The following UPF2 variants were observed in gnomAD, a reference collection of about 807,000 sequenced individuals.
The protein encoded by UPF2 is UPF2 regulator of nonsense mediated mRNA decay.
Under a neutral mutation model 141.4 loss-of-function variants are expected in UPF2, and 17 were observed. That is an observed-to-expected ratio of 0.12 (90% CI 0.08 to 0.18). UPF2 has a LOEUF of 0.18. Ranked by LOEUF, UPF2 falls within the 10% of genes least tolerant of loss-of-function variation. The probability of loss-of-function intolerance (pLI) is 1.00; values close to 1 mark genes in which losing one functional copy is unlikely to be tolerated. For missense variants in UPF2, 1,152 were observed against 1,515.9 expected, an observed-to-expected ratio of 0.76 and a Z score of 3.99; for synonymous variants, 540 against 498.0, an observed-to-expected ratio of 1.08 and a Z score of -1.12.
chr10:11,957,573 T>C (rs1833173291), intron 12 of UPF2, among the ~76,000 whole-genome samples: 1 of 152,036 alleles, frequency 6.6e-6, no homozygotes, highest in Admixed American at 6.6e-5. Context: ...TGGAGTGCAG[T>C]GGCATGATCT....
intron 11 of UPF2, among the ~76,000 whole-genome samples, chr10:11,960,426 G>C (rs1833221060): frequency 6.6e-6 from 1 of 151,832 alleles, no homozygotes; most frequent in Non-Finnish European, 1.5e-5. Context: ...TAAATAGCTG[G>C]GCACAGTGGT....
intron 8 of UPF2, among the ~76,000 whole-genome samples, chr10:11,981,719 C>T (rs559366380): frequency 9.5e-4 from 145 of 152,044 alleles, no homozygotes; most frequent in Non-Finnish European, 1.6e-3. Context: ...CTCGCTCTGT[C>T]GCCCAGGCTG....
Position 11,929,949 on chromosome 10 carries a change from G to T in UPF2, c.3725C>A (p.Ala1242Glu), listed in dbSNP as rs752743556. The stretch of plus-strand genomic sequence containing the variant: ...AGGCCGCCTCTCACGATTGGTGTTT[G>T]CTGGAGCTGGGCGCTGTGCAAGAGA... The part of the protein sequence containing the change: ...LQSLAQRPAP[A>E]NTNRERRPRY... Residue 1242 changes from alanine to glutamate, a missense_variant, in exon 21 of 22, where the codon GCA becomes GAA. Coordinates refer to ENST00000357604, the MANE Select transcript of UPF2 (RefSeq NM_015542.4). The T allele has an allele frequency of 5.6e-6, 9 of 1,614,234 alleles. No homozygotes were observed. Among genetic ancestry groups the T allele is most frequent in the South Asian group, 1.1e-5 (1 of 91,084 alleles).
rs796154420 is a variant in UPF2 at position 11,979,064 on chromosome 10, C to T, written c.1946G>A (p.Arg649Lys). ...DLCSMLRGDF[R>K]FHVRKKDQIN... is the part of the protein sequence containing the mutation. The stretch of plus-strand genomic sequence containing the variant: ...AAATGCTTAAATACATACATGAAAT[C>T]TGAAATCCCCCCTCAGCATGGAACA... The change falls in exon 9 of 22, where the codon AGA (arginine) becomes AAA (lysine). Residue 649 changes from arginine (R) to lysine (K), a missense_variant. Physicochemically the swap from Arg to Lys is conservative, Grantham distance 26. Transcript: ENST00000357604. This position sits in a 1 kb window ranked among gnomAD's most constrained non-coding sequence, Gnocchi z 6.2. The T allele has an allele frequency of 1.2e-6, 2 of 1,611,152 alleles. No homozygotes were observed. The highest frequency in any genetic ancestry group is 1.7e-6 in the Non-Finnish European group (2 of 1,177,750).
intron 8 of UPF2, among the ~76,000 whole-genome samples, chr10:11,987,857 T>C (rs565397160): frequency 1.3e-5 from 2 of 149,020 alleles, no homozygotes; most frequent in African/African-American, 5.0e-5. Context: ...GAAGGAAGAA[T>C]GCAACTGAAA....
At chr10:12,013,103 C>A (rs1382629666) in intron 4 of UPF2, among the ~76,000 whole-genome samples, 1 of 146,618 alleles carries the variant, frequency 6.8e-6, no homozygotes, top group Non-Finnish European at 1.5e-5. Flanking sequence ...CCAGCCTGAG[C>A]GACAGAGCAA....
At chr10:12,009,291 T>A (rs918252937) in intron 4 of UPF2, among the ~76,000 whole-genome samples, 8 of 152,152 alleles carry the variant, frequency 5.3e-5, no homozygotes, top group Admixed American at 4.6e-4. Flanking sequence ...GCCAGAAATA[T>A]TAAGTGTTAA....
chr10:11,921,137 T>C lies in UPF2; in HGVS notation c.*161A>G, dbSNP rs777163080. ...GGCTTGTTCCGGTGTTGGCAGAGGC[T>C]GGTGTTTCTGCCTCCTGGCCCCAGC... On this transcript the variant is annotated 3_prime_UTR_variant, in exon 22 of 22. Coordinates refer to ENST00000357604, the MANE Select transcript of UPF2 (RefSeq NM_015542.4). The surrounding 1 kb of genome is among the most constrained non-coding windows in gnomAD (Gnocchi z 5.9). 1 of 949,968 alleles carries C rather than the reference T, an allele frequency of 1.1e-6. No homozygotes were observed. The highest frequency in any genetic ancestry group is 2.4e-5 in the East Asian group (1 of 41,778). The allele number at this position is 949,968 out of a possible 1,614,324, so 58.8% of individuals were successfully genotyped here.
chr10:11,995,211 T>A lies in UPF2; in HGVS notation c.1844+2461A>T, dbSNP rs531214159. On this transcript the variant is annotated intron_variant, in intron 8 of 21. Coordinates refer to ENST00000357604, the MANE Select transcript of UPF2 (RefSeq NM_015542.4). ...ATTTCCAGTGGAAAAATAAAGGACA[T>A]CCCAGATAAAAGCAGAAAGCAGTGG... 2.0e-5 allele frequency among the ~76,000 whole-genome samples: 3 copies of A among 151,984 alleles called. No individual in the cohort carries two copies. In the South Asian group the frequency reaches 6.2e-4, roughly 32 times the overall value.
At chr10:12,012,691 C>G (rs1250135923) in intron 4 of UPF2, among the ~76,000 whole-genome samples, 1 of 150,620 alleles carries the variant, frequency 6.6e-6, no homozygotes, top group Non-Finnish European at 1.5e-5. Context: ...CCCAGCTATT[C>G]GGGAGGCTGA....
At chr10:12,035,033 TC>T in intron 2 of UPF2, 25 bp downstream of exon 2, 1 of 1,531,250 alleles carries the variant, frequency 6.5e-7, no homozygotes, top group Admixed American at 2.3e-5. Context: ...TTCCCTCACA[TC>T]AATAAATACA....
At position 12,014,149 on chromosome 10, in the gene UPF2, T is replaced by C. The variant is rs1270828206; in HGVS notation, c.1181A>G (p.Asp394Gly). The stretch of plus-strand genomic sequence containing the variant: ...AAATTCCTCATACTGTTTATGTCTA[T>C]CTTCACTGAGCTCCCCTTTAGAATG... ...ILHSKGELSE[D>G]RHKQYEEFAM... The change falls in exon 4 of 22, where the codon GAT becomes GGT. Residue 394 changes from aspartate (D) to glycine (G), a missense_variant. Asp to Gly is a moderately conservative substitution (Grantham distance 94, BLOSUM62 -1). This residue lies in a region of UPF2 where 739 missense variants were observed against 1,032.2 expected (regional missense o/e 0.72). Coordinates refer to ENST00000357604, the MANE Select transcript of UPF2 (RefSeq NM_015542.4). This position sits in a 1 kb window ranked among gnomAD's most constrained non-coding sequence, Gnocchi z 5.0. 2 of 1,548,292 alleles carry C rather than the reference T, an allele frequency of 1.3e-6. No homozygotes were observed. The highest frequency in any genetic ancestry group is 1.9e-5 in the Admixed American group (1 of 53,278).
intron 21 of UPF2, among the ~76,000 whole-genome samples, chr10:11,924,175 T>C (rs561037318): frequency 6.6e-6 from 1 of 152,346 alleles, no homozygotes; most frequent in African/African-American, 2.4e-5. Flanking sequence ...ATGCCTCTTA[T>C]TTGTTAAAGG....
chr10:11,943,479 T>C (rs1343375220), intron 16 of UPF2, among the ~76,000 whole-genome samples: 1 of 152,192 alleles, frequency 6.6e-6, no homozygotes, highest in Non-Finnish European at 1.5e-5. Context: ...GAAACAAATC[T>C]GGAGAGGCTG....
intron 4 of UPF2, among the ~76,000 whole-genome samples, chr10:12,011,753 C>A (rs551141208): frequency 2.0e-5 from 3 of 151,868 alleles, no homozygotes; most frequent in African/African-American, 7.2e-5. Context: ...CGAGACCAGC[C>A]TGACCAACAT....
chr10:12,018,317 T>C (rs1834259578), intron 3 of UPF2, among the ~76,000 whole-genome samples: 1 of 152,040 alleles, frequency 6.6e-6, no homozygotes, highest in Non-Finnish European at 1.5e-5. Context: ...GTGCTATGGC[T>C]CACACCTGTA....
At chr10:11,938,682 T>C (rs1832884074) in intron 18 of UPF2, among the ~76,000 whole-genome samples, 1 of 151,990 alleles carries the variant, frequency 6.6e-6, no homozygotes, top group Admixed American at 6.6e-5. Context: ...TCTCATTGAT[T>C]TGCTATAGTA....
At chr10:11,958,954 C>T (rs1031824527) in intron 12 of UPF2, among the ~76,000 whole-genome samples, 1 of 152,108 alleles carries the variant, frequency 6.6e-6, no homozygotes, top group Non-Finnish European at 1.5e-5. Context: ...ACTAGAGTTA[C>T]TATTTCAATT....
intron 2 of UPF2, among the ~76,000 whole-genome samples, chr10:12,030,343 G>C (rs1027597782): frequency 9.2e-5 from 14 of 151,910 alleles, no homozygotes. Flanking sequence ...AGACCAGCTT[G>C]GCCAACATGG....
Sources: gnomAD v4.1 joint callset for allele counts (sites outside exome capture counted in the v4.1 genomes callset) on GRCh38, gnomAD v4.1.1 for gene constraint, gnomAD v4.1.1 regional missense constraint, Gnocchi (gnomAD v3.1) non-coding constraint, MANE v1.5 for transcripts, NCBI Gene and HGNC (gene_info 2026-07-23, HGNC 2026-07-21) for gene names.